The following PCDH15 variants were observed in gnomAD, a reference collection of about 807,000 sequenced individuals.
PCDH15 encodes protocadherin-15.
Under a neutral mutation model 178.5 loss-of-function variants are expected in PCDH15, and 129 were observed. That is an observed-to-expected ratio of 0.72 (90% CI 0.63 to 0.84). The LOEUF (loss-of-function observed/expected upper bound fraction) is 0.84, where lower values mean the gene tolerates loss of function less well. Ranked by LOEUF, PCDH15 falls within the 40% of genes least tolerant of loss-of-function variation. The probability of loss-of-function intolerance (pLI) is 0.00; values close to 1 mark genes in which losing one functional copy is unlikely to be tolerated. For synonymous variants in PCDH15, 800 were observed against 732.0 expected (o/e 1.09, Z -1.50); for missense variants, 2,230 against 2,099.9 (o/e 1.06, Z -1.21).
At chr10:53,807,198 T>C in intron 37 of PCDH15, 68 bp from the exon 38 acceptor site, 1 of 1,277,332 alleles carries the variant, frequency 7.8e-7, no homozygotes, top group Non-Finnish European at 1.1e-6. Context: ...TTACATTGCC[T>C]GTGAAATCCA....
intron 1 of PCDH15, among the ~76,000 whole-genome samples, chr10:55,223,087 C>T (rs1236329088): frequency 6.6e-6 from 1 of 151,996 alleles, no homozygotes; most frequent in African/African-American, 2.4e-5. Flanking sequence ...TATTCAATGG[C>T]CCCATCAGGC....
intron 7 of PCDH15, among the ~76,000 whole-genome samples, chr10:54,325,723 T>G (rs1857133): frequency 0.45 from 68,669 of 151,672 alleles, 16,248 homozygotes; most frequent in Middle Eastern, 0.6. Context: ...CACTCTAGCC[T>G]GGGCAACATA....
intron 3 of PCDH15, among the ~76,000 whole-genome samples, chr10:54,465,141 G>C (rs774224128): frequency 2.0e-5 from 3 of 151,920 alleles, no homozygotes; most frequent in Non-Finnish European, 4.4e-5. Context: ...TTGATACATA[G>C]CATTTGTATA....
chr10:55,237,349 T>G (rs1841409726), intron 1 of PCDH15, among the ~76,000 whole-genome samples: 1 of 152,170 alleles, frequency 6.6e-6, no homozygotes, highest in Non-Finnish European at 1.5e-5. Flanking sequence ...CTTGGCCATT[T>G]TTACTCACTC....
At chr10:54,390,707 T>G (rs1304693676) in intron 3 of PCDH15, among the ~76,000 whole-genome samples, 1 of 152,142 alleles carries the variant, frequency 6.6e-6, no homozygotes, top group African/African-American at 2.4e-5. Flanking sequence ...AGAGATGGTA[T>G]AAGTGGGTCA....
intron 2 of PCDH15, among the ~76,000 whole-genome samples, chr10:54,582,607 C>T (rs1473279362): frequency 6.6e-6 from 1 of 152,004 alleles, no homozygotes; most frequent in African/African-American, 2.4e-5. Flanking sequence ...AGATGCCACC[C>T]AATTTAAGAA....
intron 2 of PCDH15, among the ~76,000 whole-genome samples, chr10:55,542,635 A>G (rs2132078090): frequency 7.0e-6 from 1 of 142,362 alleles, no homozygotes; most frequent in African/African-American, 2.6e-5. Context: ...AGGTACATAC[A>G]GACATATGTA....
At chr10:54,646,179 C>G (rs1010749017) in intron 2 of PCDH15, among the ~76,000 whole-genome samples, 1 of 152,038 alleles carries the variant, frequency 6.6e-6, no homozygotes, top group Admixed American at 6.6e-5. Context: ...TTTTTGTAAT[C>G]TATTGCAGGT....
intron 2 of PCDH15, among the ~76,000 whole-genome samples, chr10:55,424,598 A>T (rs77406401): frequency 0.019 from 2,850 of 152,244 alleles, 87 homozygotes; most frequent in African/African-American, 0.063. Flanking sequence ...CATTTGCTAC[A>T]TGTCTTCAAA....
intron 1 of PCDH15, among the ~76,000 whole-genome samples, chr10:55,255,734 G>C (rs1280203430): frequency 2.6e-5 from 4 of 152,084 alleles, no homozygotes; most frequent in Non-Finnish European, 4.4e-5. Context: ...TGTGTCTTTT[G>C]GCTGCATAAA....
chr10:54,675,292 T>C (rs2094762279), intron 1 of PCDH15, among the ~76,000 whole-genome samples: 1 of 152,014 alleles, frequency 6.6e-6, no homozygotes, highest in African/African-American at 2.4e-5. Flanking sequence ...TAAGTTGTTA[T>C]ATGTCCCTTG....
At chr10:54,572,612 A>G (rs2089980855) in intron 2 of PCDH15, among the ~76,000 whole-genome samples, 1 of 152,132 alleles carries the variant, frequency 6.6e-6, no homozygotes, top group East Asian at 1.9e-4. Context: ...GGCCTATGAA[A>G]ATGTATTAAA....
chr10:54,992,006 T>G (rs1430767556), intron 2 of PCDH15, among the ~76,000 whole-genome samples: 8 of 152,096 alleles, frequency 5.3e-5, no homozygotes, highest in Non-Finnish European at 1.2e-4. Flanking sequence ...ACATGCTTTC[T>G]CATATTATTT....
At chr10:55,488,975 C>CA (rs936049229) in intron 2 of PCDH15, among the ~76,000 whole-genome samples, 1 of 149,832 alleles carries the variant, frequency 6.7e-6, no homozygotes, top group Non-Finnish European at 1.5e-5. Context: ...TTAGTACCAC[C>CA]AAAAAAAAGG....
At chr10:55,545,737 T>A (rs1224908963) in intron 2 of PCDH15, among the ~76,000 whole-genome samples, 1 of 152,174 alleles carries the variant, frequency 6.6e-6, no homozygotes, top group Non-Finnish European at 1.5e-5. Flanking sequence ...AAGATTTAAT[T>A]TCATCTATCA....
intron 2 of PCDH15, among the ~76,000 whole-genome samples, chr10:54,985,373 A>G (rs371788563): frequency 1.3e-5 from 2 of 152,212 alleles, no homozygotes; most frequent in Non-Finnish European, 2.9e-5. Flanking sequence ...CATATGCATA[A>G]GTATTTAATA....
chr10:53,964,003 T>C (rs893742092), intron 21 of PCDH15, among the ~76,000 whole-genome samples: 2 of 152,354 alleles, frequency 1.3e-5, no homozygotes, highest in Non-Finnish European at 2.9e-5. Context: ...CCTACTCATC[T>C]GATTTCATCT....
intron 14 of PCDH15, among the ~76,000 whole-genome samples, chr10:54,144,421 A>T (rs1430510732): frequency 6.6e-6 from 1 of 151,944 alleles, no homozygotes; most frequent in Non-Finnish European, 1.5e-5. Flanking sequence ...CCTCTCAAAA[A>T]AGTATTAAAG....
intron 25 of PCDH15, chr10:53,905,154 C>T (rs1480636100): frequency 1.9e-6 from 1 of 518,244 alleles, no homozygotes; most frequent in Non-Finnish European, 3.9e-6. Flanking sequence ...TCTCTCAACT[C>T]CACAGCTGCC....
Sources: allele counts gnomAD v4.1 joint callset (sites outside exome capture counted in the v4.1 genomes callset), GRCh38; gene constraint gnomAD v4.1.1; transcripts MANE v1.5; gene names NCBI Gene and HGNC (gene_info 2026-07-23, HGNC 2026-07-21).